The following RIMS2 variants were observed in gnomAD, a reference collection of about 807,000 sequenced individuals.
RIMS2 encodes the protein regulating synaptic membrane exocytosis protein 2.
In RIMS2, 59 loss-of-function variants were observed where a neutral mutation model predicts 174.4. That is an observed-to-expected ratio of 0.34 (90% CI 0.27 to 0.42). RIMS2 has a LOEUF of 0.42. Among genes scored for constraint, RIMS2 ranks in the 10% least tolerant of loss-of-function variants. The pLI is 1.00. For missense variants in RIMS2, 1,620 were observed against 1,666.3 expected, an observed-to-expected ratio of 0.97 and a Z score of 0.48; for synonymous variants, 606 against 572.5, an observed-to-expected ratio of 1.06 and a Z score of -0.84.
At chr8:104,008,450 T>A (rs1366692680) in intron 17 of RIMS2, among the ~76,000 whole-genome samples, 2 of 144,360 alleles carry the variant, frequency 1.4e-5, no homozygotes, top group African/African-American at 4.9e-5. Flanking sequence ...TTTAATATAC[T>A]AAAAATATCT....
intron 19 of RIMS2, among the ~76,000 whole-genome samples, chr8:104,172,488 A>G (rs2098838092): frequency 6.6e-6 from 1 of 152,222 alleles, no homozygotes; most frequent in Non-Finnish European, 1.5e-5. Flanking sequence ...TTTGATAAAT[A>G]AAGTTTGTCA....
chr8:104,144,808 T>G (rs1249756443), intron 19 of RIMS2, among the ~76,000 whole-genome samples: 1 of 152,154 alleles, frequency 6.6e-6, no homozygotes, highest in Admixed American at 6.5e-5. Context: ...AATTACTTAG[T>G]TTAGCACAAA....
At chr8:103,502,637 C>CT (rs572245405) in intron 1 of RIMS2, among the ~76,000 whole-genome samples, 3 of 151,488 alleles carry the variant, frequency 2.0e-5, no homozygotes, top group South Asian at 2.1e-4. Context: ...CTGTGCTTAA[C>CT]TTTTTTTTTG....
intron 3 of RIMS2, among the ~76,000 whole-genome samples, chr8:103,790,962 G>A (rs2098492377): frequency 6.6e-6 from 1 of 152,188 alleles, no homozygotes; most frequent in Non-Finnish European, 1.5e-5. Context: ...ACCTGAAAGT[G>A]ACGGGGAGAA....
intron 1 of RIMS2, among the ~76,000 whole-genome samples, chr8:103,629,858 A>G: frequency 6.6e-6 from 1 of 152,120 alleles, no homozygotes. Flanking sequence ...AAATCTGATG[A>G]ACAGAAAAAA....
chr8:103,958,088 A>G (rs371781216), intron 14 of RIMS2, among the ~76,000 whole-genome samples: 10 of 152,340 alleles, frequency 6.6e-5, no homozygotes, highest in African/African-American at 2.4e-4. Flanking sequence ...TTCTACCATA[A>G]TGACACATGC....
chr8:103,640,177 ATAGT>A (rs1202174801), intron 1 of RIMS2, among the ~76,000 whole-genome samples: 1 of 151,808 alleles, frequency 6.6e-6, no homozygotes, highest in Non-Finnish European at 1.5e-5. Context: ...CAAATTTGGG[ATAGT>A]TGTTCTTACT....
chr8:103,678,187 G>A (rs571951573), intron 1 of RIMS2, among the ~76,000 whole-genome samples: 2 of 152,224 alleles, frequency 1.3e-5, no homozygotes, highest in South Asian at 2.1e-4. Flanking sequence ...CAAGAACAGG[G>A]TAATATTCAA....
intron 19 of RIMS2, among the ~76,000 whole-genome samples, chr8:104,159,085 G>A (rs1447475397): frequency 2.6e-5 from 4 of 152,012 alleles, no homozygotes; most frequent in Admixed American, 6.6e-5. Context: ...AGGTGTAAGG[G>A]AGGGATCCAG....
intron 1 of RIMS2, among the ~76,000 whole-genome samples, chr8:103,530,422 G>A (rs889739967): frequency 6.6e-6 from 1 of 152,060 alleles, no homozygotes; most frequent in Admixed American, 6.5e-5. Context: ...TTAACACATT[G>A]AATGTAAATG....
intron 15 of RIMS2, among the ~76,000 whole-genome samples, chr8:103,969,475 C>G (rs2092596061): frequency 6.6e-6 from 1 of 152,122 alleles, no homozygotes; most frequent in Non-Finnish European, 1.5e-5. Context: ...CGTGTTCAGT[C>G]TACTAATAAG....
chr8:104,033,530 A>G (rs2096445545), intron 19 of RIMS2, among the ~76,000 whole-genome samples: 1 of 152,064 alleles, frequency 6.6e-6, no homozygotes, highest in Non-Finnish European at 1.5e-5. Context: ...CATCTCAGAA[A>G]CACAACATTT....
intron 19 of RIMS2, among the ~76,000 whole-genome samples, chr8:104,095,567 A>G (rs1381848227): frequency 6.6e-6 from 1 of 152,140 alleles, no homozygotes; most frequent in Non-Finnish European, 1.5e-5. Context: ...AGTATTATAT[A>G]TATTACATAC....
At chr8:103,995,426 G>A (rs907994997) in intron 17 of RIMS2, among the ~76,000 whole-genome samples, 2 of 152,068 alleles carry the variant, frequency 1.3e-5, no homozygotes, top group Non-Finnish European at 2.9e-5. Flanking sequence ...GAGAAGTTGG[G>A]CTTTAAAGAT....
intron 19 of RIMS2, among the ~76,000 whole-genome samples, chr8:104,144,639 G>A (rs2098615361): frequency 6.6e-6 from 1 of 151,928 alleles, no homozygotes; most frequent in Admixed American, 6.6e-5. Flanking sequence ...TTAGCAGACT[G>A]GTCACAGTAT....
Position 104,040,815 on chromosome 8 carries a change from T to C in RIMS2, c.3334+26200T>C, listed in dbSNP as rs1027801494. Among the ~76,000 whole-genome samples, 11 of 151,874 alleles carry C rather than the reference T, an allele frequency of 7.2e-5. No individual in the cohort carries two copies. The East Asian group carries it at 1.9e-3, about 27-fold the overall frequency. ...GCCTGATGACCATTCTTTGTTTTTG[T>C]GTGCACACTGGTTTACTGGGGAAAC... On this transcript the variant is annotated intron_variant, in intron 19 of 23. Coordinates refer to ENST00000504942, the Ensembl canonical transcript of RIMS2.
At chr8:103,958,807 G>T (rs1260717152) in intron 14 of RIMS2, among the ~76,000 whole-genome samples, 1 of 152,162 alleles carries the variant, frequency 6.6e-6, no homozygotes, top group Non-Finnish European at 1.5e-5. Context: ...TAGGAAGGTT[G>T]TAAGACAATG....
intron 19 of RIMS2, chr8:104,015,370 CT>C: frequency 1.5e-6 from 1 of 654,812 alleles, no homozygotes; most frequent in Non-Finnish European, 2.7e-6. Context: ...CTTTGGTTCC[CT>C]TTTTGTTTGT....
At chr8:104,155,079 G>T (rs7010253) in intron 19 of RIMS2, among the ~76,000 whole-genome samples, 113 of 152,020 alleles carry the variant, frequency 7.4e-4, no homozygotes, top group African/African-American at 2.5e-3. Context: ...TTCTGGGGGT[G>T]TTAGTTTTTT....
Sources: allele counts gnomAD v4.1 joint callset (sites outside exome capture counted in the v4.1 genomes callset), GRCh38; gene constraint gnomAD v4.1.1; transcripts MANE v1.5; gene names NCBI Gene and HGNC (gene_info 2026-07-23, HGNC 2026-07-21).